COL2A1: variants seen among roughly 807,000 people sequenced by gnomAD.
The protein encoded by COL2A1 is collagen type II alpha 1 chain, also known as collagen alpha-1(II) chain.
COL2A1 carries 28 observed loss-of-function variants against 204.5 expected under a neutral mutation model. The observed-to-expected ratio is 0.14, with a 90% CI of 0.10 to 0.19. The LOEUF (loss-of-function observed/expected upper bound fraction) is 0.19, where lower values mean the gene tolerates loss of function less well. Ranked by LOEUF, COL2A1 falls within the 10% of genes least tolerant of loss-of-function variation. The pLI is 1.00. For synonymous variants in COL2A1, 708 were observed against 718.7 expected, an observed-to-expected ratio of 0.99 and a Z score of 0.24; for missense variants, 1,388 against 2,027.5, an observed-to-expected ratio of 0.68 and a Z score of 6.06.
chr12:47,994,219 T>C (rs1939838347), intron 12 of COL2A1, among the ~76,000 whole-genome samples, 172 bp from the exon 13 acceptor site: 1 of 152,146 alleles, frequency 6.6e-6, no homozygotes. Context: ...GTACCCCCCA[T>C]TTTATGCAAA....
At position 47,980,725 on chromosome 12, in the gene COL2A1, A is replaced by T; in HGVS notation, c.2518-64T>A. 2 of 1,512,652 alleles carry T rather than the reference A, an allele frequency of 1.3e-6. No homozygotes were observed. Among genetic ancestry groups the T allele is most frequent in the Non-Finnish European group, 1.8e-6 (2 of 1,105,952 alleles). The allele number at this position is 1,512,652 out of a possible 1,614,324, so 93.7% of individuals were successfully genotyped here. On this transcript the variant is annotated intron_variant, in intron 38 of 53. Coordinates refer to ENST00000380518, the MANE Select transcript of COL2A1 (RefSeq NM_001844.5). The surrounding 1 kb of genome is among the most constrained non-coding windows in gnomAD (Gnocchi z 4.5). ...GCTAAAACCCTGGAGCTCTTCCAGA[A>T]GAGCAGGAGACTCTGTGAGTATCTG... is the stretch of plus-strand genomic sequence containing the variant.
intron 34 of COL2A1, 78 bp from the exon 35 acceptor site, chr12:47,982,238 G>T: frequency 7.4e-7 from 1 of 1,343,616 alleles, no homozygotes; most frequent in Non-Finnish European, 1.1e-6. Context: ...CCCAGGCTGG[G>T]GTGCTAGGGA....
Position 47,976,390 on chromosome 12 carries a change from A to C in COL2A1, c.3489+124T>G. On this transcript the variant is annotated intron_variant, in intron 49 of 53. Coordinates refer to ENST00000380518, the MANE Select transcript of COL2A1 (RefSeq NM_001844.5). The surrounding 1 kb of genome is among the most constrained non-coding windows in gnomAD (Gnocchi z 4.3). ...AGGCACATGAGCCAGTCCTGCCCCC[A>C]TTACTGAGTGAGGACCCCTGAGCCC... 1 of 1,105,178 alleles carries C rather than the reference A, an allele frequency of 9.0e-7. No individual in the cohort carries two copies. Among genetic ancestry groups the C allele is most frequent in the Non-Finnish European group, 1.4e-6 (1 of 726,474 alleles). The allele number at this position is 1,105,178 out of a possible 1,614,324, so 68.5% of individuals were successfully genotyped here. A position where few individuals can be genotyped will look rare whatever the true frequency, so the allele number is the denominator to read the frequency against.
chr12:47,990,307 GCC>G (rs1939645149), intron 16 of COL2A1, among the ~76,000 whole-genome samples: 1 of 152,230 alleles, frequency 6.6e-6, no homozygotes, highest in African/African-American at 2.4e-5. Flanking sequence ...ACCGCACCTG[GCC>G]CCTAATCTTA....
intron 22 of COL2A1, 112 bp from the exon 23 acceptor site, chr12:47,986,555 G>GC (rs1053271217): frequency 6.5e-6 from 5 of 766,168 alleles, no homozygotes; most frequent in South Asian, 1.6e-5. Flanking sequence ...GGCTGGGGGG[G>GC]GGCTTGAGGA....
At chr12:47,985,660 C>T in intron 25 of COL2A1, 68 bp downstream of exon 25, 2 of 1,609,112 alleles carry the variant, frequency 1.2e-6, no homozygotes, top group Non-Finnish European at 1.7e-6. Flanking sequence ...CAGTGCAGGG[C>T]TGGAAGGAGC....
chr12:47,993,686 T>C, intron 14 of COL2A1, 123 bp downstream of exon 14: 1 of 1,230,342 alleles, frequency 8.1e-7, no homozygotes, highest in South Asian at 1.2e-5. Flanking sequence ...AGGGCTGGTG[T>C]TCCCAGCCAA....
intron 1 of COL2A1, 56 bp downstream of exon 1, chr12:48,004,181 G>T: frequency 7.8e-7 from 1 of 1,290,306 alleles, no homozygotes; most frequent in East Asian, 2.5e-5. Flanking sequence ...CGGGGAGAAG[G>T]ATGCTGAGGG....
chr12:47,984,629 G>T, intron 27 of COL2A1, 30 bp from the exon 28 acceptor site: 1 of 1,612,272 alleles, frequency 6.2e-7, no homozygotes, highest in Non-Finnish European at 8.5e-7. Context: ...GGGCCATGAG[G>T]CGGATGGTTT....
chr12:47,992,969 C>T, intron 15 of COL2A1, 38 bp from the exon 16 acceptor site: 1 of 1,604,418 alleles, frequency 6.2e-7, no homozygotes, highest in South Asian at 1.1e-5. Context: ...CATGAGTTGG[C>T]TTTACGGTGC....
intron 32 of COL2A1, 51 bp downstream of exon 32, chr12:47,983,042 A>G (rs1939183960): frequency 5.0e-6 from 8 of 1,610,424 alleles, no homozygotes; most frequent in Admixed American, 1.7e-5. Flanking sequence ...GGAGCATAGG[A>G]CCCAGGGCAG....
Position 47,978,003 on chromosome 12 carries a change from T to G in COL2A1, c.3111+7A>C. ...TCAGGGCCACCCCAGGGGGTCTCAC[T>G]GCTCACCTCTCGTCCAGGTTCACCT... On this transcript the variant is annotated splice_region_variant and intron_variant, in intron 44 of 53. Transcript: ENST00000380518. This position sits in a 1 kb window ranked among gnomAD's most constrained non-coding sequence, Gnocchi z 5.5. The G allele has an allele frequency of 6.2e-7, 1 of 1,612,684 alleles. No individual in the cohort carries two copies. Among genetic ancestry groups the G allele is most frequent in the Non-Finnish European group, 8.5e-7 (1 of 1,179,414 alleles).
chr12:48,004,602 C>A (rs182897058), upstream of COL2A1: 1 of 325,200 alleles, frequency 3.1e-6, no homozygotes. Flanking sequence ...GCCCCCGGAG[C>A]CCGCCTGGGC....
chr12:47,978,196 G>A lies in COL2A1; in HGVS notation c.3004-79C>T. The A allele has an allele frequency of 6.3e-7, 1 of 1,578,262 alleles. No homozygotes were observed. Among genetic ancestry groups the A allele is most frequent in the Non-Finnish European group, 8.7e-7 (1 of 1,154,336 alleles). ...GGGCCCACTGACCCTTCAGGGAGAG[G>A]GCAGACAAGGGACAGTCCTGAGGGT... is the stretch of plus-strand genomic sequence containing the variant. On this transcript the variant is annotated intron_variant, in intron 43 of 53. Coordinates refer to ENST00000380518, the MANE Select transcript of COL2A1 (RefSeq NM_001844.5). This position sits in a 1 kb window ranked among gnomAD's most constrained non-coding sequence, Gnocchi z 5.5.
intron 14 of COL2A1, 76 bp downstream of exon 14, chr12:47,993,733 G>A (rs1939814425): frequency 3.3e-6 from 5 of 1,512,872 alleles, no homozygotes; most frequent in Non-Finnish European, 3.7e-6. Flanking sequence ...GAGCTCCACA[G>A]TGTCTCCCTG....
chr12:47,983,015 A>AGG, intron 32 of COL2A1, 69 bp from the exon 33 acceptor site: 7 of 1,605,720 alleles, frequency 4.4e-6, no homozygotes, highest in Non-Finnish European at 6.0e-6. Context: ...AGAAGCAGGG[A>AGG]GGTGGGGAAA....
chr12:47,979,610 G>A, intron 40 of COL2A1, 46 bp from the exon 41 acceptor site: 1 of 1,150,846 alleles, frequency 8.7e-7, no homozygotes, highest in Non-Finnish European at 1.2e-6. Flanking sequence ...GCCCTCAGGA[G>A]GTTTGAGATT....
Position 47,981,822 on chromosome 12 carries a change from G to T in COL2A1, c.2363C>A (p.Thr788Lys). 6.4e-7 allele frequency: 1 copy of T among 1,554,376 alleles called. No homozygotes were observed. Among genetic ancestry groups the T allele is most frequent in the South Asian group, 1.2e-5 (1 of 84,366 alleles). The change falls in exon 36 of 54, where the codon ACA (threonine) becomes AAA (lysine). Residue 788 changes from threonine to lysine, a missense_variant. By Grantham distance (78) the Thr-to-Lys change is moderately conservative. This residue lies in a region of COL2A1 where 884 missense variants were observed against 1,415.8 expected (regional missense o/e 0.62). Transcript: ENST00000380518. ...APGKDGGRGL[T>K]GPIGPPGPAG... The stretch of plus-strand genomic sequence containing the variant: ...TGGGCCAGGGGGGCCAATGGGACCT[G>T]TCAGGCCCTGCGGGGAGAGCAGGTA...
intron 2 of COL2A1, chr12:47,998,746 G>A: frequency 2.9e-6 from 1 of 343,782 alleles, no homozygotes; most frequent in South Asian, 4.2e-5. Context: ...GCCACAAGAA[G>A]GAAAGCACAG....
Sources: gnomAD v4.1 joint callset for allele counts (sites outside exome capture counted in the v4.1 genomes callset) on GRCh38, gnomAD v4.1.1 for gene constraint, gnomAD v4.1.1 regional missense constraint, Gnocchi (gnomAD v3.1) non-coding constraint, MANE v1.5 for transcripts, NCBI Gene and HGNC (gene_info 2026-07-23, HGNC 2026-07-21) for gene names.